Variants in RUSC1 observed in about 807,000 individuals in gnomAD.
The protein encoded by RUSC1 is AP-4 complex accessory subunit RUSC1.
Under a neutral mutation model 72.1 loss-of-function variants are expected in RUSC1, and 40 were observed. That is an observed-to-expected ratio of 0.55 (90% CI 0.43 to 0.72). The LOEUF is 0.72. Among genes scored for constraint, RUSC1 ranks in the 30% least tolerant of loss-of-function variants. The pLI is 0.00. For synonymous variants in RUSC1, 512 were observed against 494.2 expected (o/e 1.04, Z -0.48); for missense variants, 1,092 against 1,172.3 (o/e 0.93, Z 1.00).
chr1:155,330,079 G>C (rs1198047921), intron 9 of RUSC1, among the ~76,000 whole-genome samples: 1 of 152,038 alleles, frequency 6.6e-6, no homozygotes, highest in Non-Finnish European at 1.5e-5. Context: ...AGTGTGGGGA[G>C]AAAGTGGTGC....
At chr1:155,329,081 T>C (rs1404558716) in intron 9 of RUSC1, among the ~76,000 whole-genome samples, 2 of 152,108 alleles carry the variant, frequency 1.3e-5, no homozygotes, top group African/African-American at 4.8e-5. Context: ...TTTATGGTTA[T>C]AGAGACTAAA....
intron 1 of RUSC1, chr1:155,321,360 C>T (rs377104170): frequency 8.0e-5 from 110 of 1,377,356 alleles, no homozygotes; most frequent in Non-Finnish European, 1.0e-4. Flanking sequence ...AAGGGGTAGG[C>T]TGGAGGGCAG....
Position 155,322,571 on chromosome 1 carries a change from G to A in RUSC1, c.798G>A (p.Trp266Ter). 1 of 1,614,234 alleles carries A rather than the reference G, an allele frequency of 6.2e-7. No homozygotes were observed. The highest frequency in any genetic ancestry group is 8.5e-7 in the Non-Finnish European group (1 of 1,180,042). The change falls in exon 2 of 10, where the codon TGG becomes TGA. Residue 266 changes from tryptophan (W) to a stop codon, truncating the protein, a stop_gained. Transcript: ENST00000368352. LOFTEE classifies it high-confidence loss of function. ...ACAACGGGAATGTTAACTCTAGCTGGAAAAGTGAACCTGAAAAATTCGACT... is the reference window on the plus strand; with the variant it reads ...ACAACGGGAATGTTAACTCTAGCTGAAAAAGTGAACCTGAAAAATTCGACT... ...WKNNGNVNSS[W>*]KSEPEKFDSG...
Position 155,327,453 on chromosome 1 carries a change from TA to T in RUSC1, c.2414+322del, listed in dbSNP as rs112447892. Among the ~76,000 whole-genome samples the T allele has an allele frequency of 1.2e-3, 180 of 152,242 alleles. 1 individual carries two copies. Among genetic ancestry groups the T allele is most frequent in the African/African-American group, 4.1e-3 (171 of 41,520 alleles). ...ATGTATAGGAAAAGACAGCCCTCAG[TA>T]TATGTGGTATTACATCCTGAGAATA... On this transcript the variant is annotated intron_variant, in intron 8 of 9. Coordinates refer to ENST00000368352, the MANE Select transcript of RUSC1 (RefSeq NM_001105203.2).
Position 155,329,584 on chromosome 1 carries a change from G to C in RUSC1, c.2541-819G>C, listed in dbSNP as rs1340459850. Among the ~76,000 whole-genome samples, 5 of 151,388 alleles carry C rather than the reference G, an allele frequency of 3.3e-5. No homozygotes were observed. The East Asian group carries it at 9.8e-4, about 30-fold the overall frequency. On this transcript the variant is annotated intron_variant, in intron 9 of 9. Transcript: ENST00000368352. ...ATTTTTTATATTTTTAATAGAGATG[G>C]GGTTTCACCATGTTGGCCAGGATGG...
rs1650635472 is a variant in RUSC1, at chr1:155,322,189, T to A, written c.416T>A (p.Ile139Asn). ...DEDAHPQPSIIPLEQGSPLAS... is the reference protein window; with the variant it reads ...DEDAHPQPSINPLEQGSPLAS... ...GATGCCCACCCTCAGCCCAGTATCA[T>A]CCCCCTGGAGCAGGGCTCCCCACTG... The change falls in exon 2 of 10, where the codon ATC (isoleucine) becomes AAC (asparagine). Residue 139 changes from isoleucine (I) to asparagine (N), a missense_variant. Physicochemically the swap from Ile to Asn is moderately radical, Grantham distance 149 (BLOSUM62 -3). Coordinates refer to ENST00000368352, the MANE Select transcript of RUSC1 (RefSeq NM_001105203.2). 6.2e-7 allele frequency: 1 copy of A among 1,605,806 alleles called. No homozygotes were observed. Among genetic ancestry groups the A allele is most frequent in the South Asian group, 1.1e-5 (1 of 90,230 alleles).
intron 8 of RUSC1, among the ~76,000 whole-genome samples, chr1:155,327,556 C>T (rs1483664851): frequency 1.3e-5 from 2 of 152,142 alleles, no homozygotes; most frequent in African/African-American, 4.8e-5. Flanking sequence ...GTTTAAGGGT[C>T]AACTGTATTT....
Position 155,326,745 on chromosome 1 carries a change from C to A in RUSC1, c.2027C>A (p.Pro676His). 1.2e-6 allele frequency: 2 copies of A among 1,613,258 alleles called. No individual in the cohort carries two copies. Among genetic ancestry groups the A allele is most frequent in the Non-Finnish European group, 1.7e-6 (2 of 1,180,036 alleles). ...EHHHHLPLGP[P>H]QAPAPPGPPP... ...CACCACCACCTGCCCCTGGGCCCACCTCAGGCCCCTGCCCCTCCAGGCCCA... is the reference window on the plus strand; with the variant it reads ...CACCACCACCTGCCCCTGGGCCCACATCAGGCCCCTGCCCCTCCAGGCCCA... Residue 676 changes from proline to histidine, a missense_variant, in exon 8 of 10, where the codon CCT (proline) becomes CAT (histidine). Physicochemically the swap from Pro to His is moderately conservative, Grantham distance 77. Coordinates refer to ENST00000368352, the MANE Select transcript of RUSC1 (RefSeq NM_001105203.2). The surrounding 1 kb of genome is among the most constrained non-coding windows in gnomAD (Gnocchi z 4.7).
chr1:155,324,729 C>A (rs1171199851), intron 2 of RUSC1, 116 bp from the exon 3 acceptor site: 3 of 1,583,724 alleles, frequency 1.9e-6, no homozygotes, highest in Admixed American at 3.4e-5. Context: ...CTCCTCTCCC[C>A]AAGACCCTTC....
chr1:155,326,302 T>C lies in RUSC1; in HGVS notation c.1862-278T>C. 1 of 550,470 alleles carries C rather than the reference T, an allele frequency of 1.8e-6. No homozygotes were observed. The allele number at this position is 550,470 out of a possible 1,614,324, so 34.1% of individuals were successfully genotyped here. A position where few individuals can be genotyped will look rare whatever the true frequency, so the allele number is the denominator to read the frequency against. On this transcript the variant is annotated intron_variant, in intron 7 of 9. Transcript: ENST00000368352. This position sits in a 1 kb window ranked among gnomAD's most constrained non-coding sequence, Gnocchi z 4.7. ...GACTAGGCCAACCCCCACGCCTCAT[T>C]TTGTATGTGCTTCTATGGCTCTCCT...
rs1213527003 is a variant in RUSC1, at chr1:155,326,206, C to T, written c.1861+296C>T. Reference sequence around the variant, plus strand: ...CTTATGCTGTTCCTCTACCTTCTGCCCCTCCTGCTTCCTCTGAACTATCAT... The same window carrying T: ...CTTATGCTGTTCCTCTACCTTCTGCTCCTCCTGCTTCCTCTGAACTATCAT... On this transcript the variant is annotated intron_variant, in intron 7 of 9. Coordinates refer to ENST00000368352, the MANE Select transcript of RUSC1 (RefSeq NM_001105203.2). The surrounding 1 kb of genome is among the most constrained non-coding windows in gnomAD (Gnocchi z 4.7). 1.8e-6 allele frequency: 1 copy of T among 558,026 alleles called. No individual in the cohort carries two copies. Among genetic ancestry groups the T allele is most frequent in the Non-Finnish European group, 3.2e-6 (1 of 312,358 alleles). The allele number at this position is 558,026 out of a possible 1,614,324, so 34.6% of individuals were successfully genotyped here.
In RUSC1 at chr1:155,323,051, G is replaced by A. The variant is rs1387207655; in HGVS notation, c.1278G>A (p.Glu426=). The A allele has an allele frequency of 6.9e-7, 1 of 1,449,222 alleles. No individual in the cohort carries two copies. The highest frequency in any genetic ancestry group is 1.4e-5 in the South Asian group (1 of 69,072). The allele number at this position is 1,449,222 out of a possible 1,614,324, so 89.8% of individuals were successfully genotyped here. ...GLQPIAEGQS[E]EGRAVSPAAG... ...AGCCCATAGCGGAGGGGCAGTCCGA[G>A]GAGGGCCGGGCTGTCAGCCCAGCGG... The change falls in exon 2 of 10, where the codon GAG becomes GAA. Residue 426 remains glutamate (E), a synonymous_variant. Transcript: ENST00000368352.
chr1:155,330,574 C>G lies in RUSC1; in HGVS notation c.*3C>G, dbSNP rs778326415. Reference sequence around the variant, plus strand: ...GGTATACCTCCCTTGTTCTGTAGCCCTGGGACCCTTTCCTGCGTATGTGTC... The same window carrying G: ...GGTATACCTCCCTTGTTCTGTAGCCGTGGGACCCTTTCCTGCGTATGTGTC... On this transcript the variant is annotated 3_prime_UTR_variant, in exon 10 of 10. Coordinates refer to ENST00000368352, the MANE Select transcript of RUSC1 (RefSeq NM_001105203.2). The G allele has an allele frequency of 4.4e-6, 7 of 1,574,668 alleles. No individual in the cohort carries two copies. The highest frequency in any genetic ancestry group is 2.6e-6 in the Non-Finnish European group (3 of 1,158,164).
At position 155,326,930 on chromosome 1, in the gene RUSC1, C is replaced by T. The variant is rs201636883; in HGVS notation, c.2212C>T (p.Arg738Trp). The T allele has an allele frequency of 8.7e-6, 14 of 1,613,670 alleles. No individual in the cohort carries two copies. Among genetic ancestry groups the T allele is most frequent in the East Asian group, 2.2e-5 (1 of 44,888 alleles). ...SWWEQLTQAS[R>W]VYASGGTEGF... ...GTGGGAGCAGTTGACCCAGGCCTCCCGGGTCTATGCCTCTGGGGGCACTGA... is the reference window on the plus strand; with the variant it reads ...GTGGGAGCAGTTGACCCAGGCCTCCTGGGTCTATGCCTCTGGGGGCACTGA... The change falls in exon 8 of 10, where the codon CGG (arginine) becomes TGG (tryptophan). Residue 738 changes from arginine to tryptophan, a missense_variant. Physicochemically the swap from Arg to Trp is moderately radical, Grantham distance 101. Transcript: ENST00000368352. This position sits in a 1 kb window ranked among gnomAD's most constrained non-coding sequence, Gnocchi z 4.7.
At chr1:155,329,634 C>T (rs542044692) in intron 9 of RUSC1, among the ~76,000 whole-genome samples, 50 of 150,756 alleles carry the variant, frequency 3.3e-4, no homozygotes, top group African/African-American at 1.2e-3. Flanking sequence ...CCTTGTGATC[C>T]ACCCACCTCA....
chr1:155,324,055 G>C, intron 2 of RUSC1: 1 of 1,115,844 alleles, frequency 9.0e-7, no homozygotes, highest in Non-Finnish European at 1.1e-6. Flanking sequence ...AGACCCACCT[G>C]GGCATAGTGG....
rs142124753 is a variant in RUSC1 at position 155,327,655 on chromosome 1, A to C, written c.2415-495A>C. On this transcript the variant is annotated intron_variant, in intron 8 of 9. Coordinates refer to ENST00000368352, the MANE Select transcript of RUSC1 (RefSeq NM_001105203.2). ...AGAAAAATACAAAAATTAGCTGGGCATGGTGGCACACACGTGGTGGTAGTC... is the reference window on the plus strand; with the variant it reads ...AGAAAAATACAAAAATTAGCTGGGCCTGGTGGCACACACGTGGTGGTAGTC... Among the ~76,000 whole-genome samples, 251 of 152,264 alleles carry C rather than the reference A, an allele frequency of 1.6e-3. 1 individual carries two copies. Among genetic ancestry groups the C allele is most frequent in the Non-Finnish European group, 9.4e-4 (64 of 68,006 alleles).
In RUSC1 at chr1:155,330,858, GGAAATCTA is replaced by G; in HGVS notation, c.*290_*297del. 3.5e-6 allele frequency: 1 copy of G among 283,330 alleles called. No homozygotes were observed. The highest frequency in any genetic ancestry group is 6.7e-6 in the Non-Finnish European group (1 of 149,506). 17.6% of individuals were successfully genotyped at this position (283,330 alleles called of 1,614,324 possible). On this transcript the variant is annotated 3_prime_UTR_variant, in exon 10 of 10. Coordinates refer to ENST00000368352, the MANE Select transcript of RUSC1 (RefSeq NM_001105203.2). ...CTTCCTTCCTATCTATCTGCAAAAT[GGAAATCTA>G]GACCTCCTTCTTCATCCATAAGTGG...
chr1:155,323,317 C>T (rs1365434215), intron 2 of RUSC1, among the ~76,000 whole-genome samples, 187 bp downstream of exon 2: 1 of 152,100 alleles, frequency 6.6e-6, no homozygotes, highest in Non-Finnish European at 1.5e-5. Context: ...TGTTTGCTCC[C>T]TCTTCTTCCC....
Sources: gnomAD v4.1 joint callset for allele counts (sites outside exome capture counted in the v4.1 genomes callset) on GRCh38, gnomAD v4.1.1 for gene constraint, Gnocchi (gnomAD v3.1) non-coding constraint, MANE v1.5 for transcripts, NCBI Gene and HGNC (gene_info 2026-07-23, HGNC 2026-07-21) for gene names.